Variants in SH3PXD2B observed in about 807,000 individuals in gnomAD.
SH3PXD2B encodes SH3 and PX domains 2B, also known as SH3 and PX domain-containing protein 2B.
A neutral mutation model predicts 73.1 loss-of-function variants in SH3PXD2B; 37 were observed. That is an observed-to-expected ratio of 0.51 (90% CI 0.39 to 0.67). SH3PXD2B has a LOEUF of 0.67. Among genes scored for constraint, SH3PXD2B ranks in the 30% least tolerant of loss-of-function variants. The pLI is 0.00. For synonymous variants in SH3PXD2B, 457 were observed against 480.5 expected, an observed-to-expected ratio of 0.95 and a Z score of 0.64; for missense variants, 1,053 against 1,197.8, an observed-to-expected ratio of 0.88 and a Z score of 1.78.
chr5:172,404,275 T>C (rs1709713812), intron 3 of SH3PXD2B, among the ~76,000 whole-genome samples: 1 of 152,114 alleles, frequency 6.6e-6, no homozygotes, highest in Non-Finnish European at 1.5e-5. Flanking sequence ...CCCCAATCTC[T>C]AGACCTGTTC....
At chr5:172,427,779 A>ATTT (rs112469816) in intron 1 of SH3PXD2B, among the ~76,000 whole-genome samples, 1 of 138,916 alleles carries the variant, frequency 7.2e-6, no homozygotes, top group Admixed American at 7.3e-5. Flanking sequence ...TGTTACCACG[A>ATTT]TTTTTTTTTT....
intron 2 of SH3PXD2B, among the ~76,000 whole-genome samples, chr5:172,412,870 G>C (rs1219784680): frequency 6.6e-6 from 1 of 152,238 alleles, no homozygotes; most frequent in African/African-American, 2.4e-5. Flanking sequence ...GGAAACTGAA[G>C]AGGAAGATGA....
Position 172,392,601 on chromosome 5 carries a change from C to A in SH3PXD2B, c.309+1962G>T, listed in dbSNP as rs118052730. Reference sequence around the variant, plus strand: ...AGCCTGGCCAACATATAGTGTAACCCCGTCTCTACTAAAAATACAAAAAAA... The same window carrying A: ...AGCCTGGCCAACATATAGTGTAACCACGTCTCTACTAAAAATACAAAAAAA... On this transcript the variant is annotated intron_variant, in intron 4 of 12. Coordinates refer to ENST00000311601, the MANE Select transcript of SH3PXD2B (RefSeq NM_001017995.3). Among the ~76,000 whole-genome samples the A allele has an allele frequency of 1.3e-3, 192 of 150,802 alleles. 5 individuals are homozygous for A. The East Asian group carries it at 0.033, about 26-fold the overall frequency.
Position 172,334,090 on chromosome 5 carries a change from T to C in SH3PXD2B, c.*4279A>G. 8.8e-7 allele frequency: 1 copy of C among 1,133,796 alleles called. No individual in the cohort carries two copies. The highest frequency in any genetic ancestry group is 1.1e-6 in the Non-Finnish European group (1 of 919,804). The allele number at this position is 1,133,796 out of a possible 1,614,324, so 70.2% of individuals were successfully genotyped here. A position where few individuals can be genotyped will look rare whatever the true frequency, so the allele number is the denominator to read the frequency against. ...AGGACAGAAGAGGTTGAGCCCCTCA[T>C]CCCTGATTGGAGCTAAGAAGGCTTA... On this transcript the variant is annotated 3_prime_UTR_variant, in exon 13 of 13. Transcript: ENST00000311601.
chr5:172,395,146 A>G (rs539717360), intron 3 of SH3PXD2B, among the ~76,000 whole-genome samples: 1 of 152,052 alleles, frequency 6.6e-6, no homozygotes, highest in African/African-American at 2.4e-5. Context: ...ACACCTCCCC[A>G]TGCATCCCCA....
chr5:172,414,641 G>GA (rs1758779480), intron 2 of SH3PXD2B, among the ~76,000 whole-genome samples: 1 of 152,138 alleles, frequency 6.6e-6, no homozygotes, highest in Non-Finnish European at 1.5e-5. Context: ...GTAAGCCCCT[G>GA]AGCCTAGCAG....
intron 6 of SH3PXD2B, among the ~76,000 whole-genome samples, chr5:172,369,145 T>G (rs557326048): frequency 6.6e-6 from 1 of 151,642 alleles, no homozygotes; most frequent in African/African-American, 2.4e-5. Flanking sequence ...TCTGCCCACC[T>G]TGGCCTCCCA....
chr5:172,346,022 A>G, intron 12 of SH3PXD2B, 114 bp downstream of exon 12: 2 of 1,527,842 alleles, frequency 1.3e-6, no homozygotes, highest in Non-Finnish European at 1.8e-6. Context: ...AAAGCTGTTA[A>G]TCTCCGCCCC....
At chr5:172,343,931 A>AC (rs1056581930) in intron 12 of SH3PXD2B, among the ~76,000 whole-genome samples, 5 of 151,680 alleles carry the variant, frequency 3.3e-5, no homozygotes, top group African/African-American at 1.2e-4. Context: ...AATTTACCTA[A>AC]CCCCCCTGAG....
intron 3 of SH3PXD2B, among the ~76,000 whole-genome samples, chr5:172,404,083 T>G (rs1050040465): frequency 6.6e-6 from 1 of 152,218 alleles, no homozygotes; most frequent in Non-Finnish European, 1.5e-5. Context: ...GGTTGTACAC[T>G]TTGCCAGTGG....
Position 172,346,141 on chromosome 5 carries a change from C to A in SH3PXD2B, c.1183G>T (p.Val395Phe). ...DGISFQAGLKVEVIEKNLSGW... is the reference protein window; with the variant it reads ...DGISFQAGLKFEVIEKNLSGW... ...GGAACACCAGGGCCACTCACCTCGA[C>A]CTTCAGGCCTGCCTGGAAGCTGATG... The change falls in exon 12 of 13, where the codon GTC becomes TTC. Residue 395 changes from valine to phenylalanine, a missense_variant. Transcript: ENST00000311601. 2.5e-6 allele frequency: 4 copies of A among 1,614,098 alleles called. No individual in the cohort carries two copies. Among genetic ancestry groups the A allele is most frequent in the Non-Finnish European group, 1.7e-6 (2 of 1,180,012 alleles).
intron 1 of SH3PXD2B, among the ~76,000 whole-genome samples, chr5:172,431,819 T>C (rs74613956): frequency 0.038 from 5,860 of 152,282 alleles, 210 homozygotes; most frequent in South Asian, 0.2. Flanking sequence ...TGTTTTGTTT[T>C]TGTCAAGTGA....
intron 2 of SH3PXD2B, 48 bp downstream of exon 2, chr5:172,422,368 T>C: frequency 6.6e-7 from 1 of 1,507,990 alleles, no homozygotes; most frequent in Non-Finnish European, 9.1e-7. Flanking sequence ...GTAAGTCCAA[T>C]TAAACTCTTT....
chr5:172,377,766 T>A (rs150400697), intron 5 of SH3PXD2B, among the ~76,000 whole-genome samples: 3 of 152,186 alleles, frequency 2.0e-5, no homozygotes, highest in Admixed American at 6.5e-5. Flanking sequence ...GAGATAAGCA[T>A]GCTAGCTTAT....
chr5:172,351,125 C>G lies in SH3PXD2B; in HGVS notation c.786-536G>C, dbSNP rs139465581. On this transcript the variant is annotated intron_variant, in intron 9 of 12. Transcript: ENST00000311601. The stretch of plus-strand genomic sequence containing the variant: ...TCAATGAGTGTCATCATCTCTTAAT[C>G]CTCTGCAGGAGACATTCAGTTTTTG... 4.5e-3 allele frequency among the ~76,000 whole-genome samples: 691 copies of G among 152,282 alleles called. 11 individuals carry two copies. Among genetic ancestry groups the G allele is most frequent in the African/African-American group, 0.016 (661 of 41,560 alleles).
downstream of SH3PXD2B, among the ~76,000 whole-genome samples, chr5:172,331,267 T>C (rs998507957): frequency 6.6e-6 from 1 of 152,164 alleles, no homozygotes; most frequent in Non-Finnish European, 1.5e-5. Context: ...ATGTAGACTA[T>C]ACCAGGTAAG....
At chr5:172,355,025 T>G (rs914156257) in intron 8 of SH3PXD2B, among the ~76,000 whole-genome samples, 1 of 152,100 alleles carries the variant, frequency 6.6e-6, no homozygotes, top group African/African-American at 2.4e-5. Flanking sequence ...CTCTGGCAGC[T>G]GAAATGGAGA....
intron 5 of SH3PXD2B, 120 bp from the exon 6 acceptor site, chr5:172,373,935 A>G: frequency 1.7e-6 from 2 of 1,146,938 alleles, no homozygotes; most frequent in Non-Finnish European, 2.6e-6. Context: ...CAGTGAATGA[A>G]TAAAATCCAG....
chr5:172,334,314 G>A lies in SH3PXD2B; in HGVS notation c.*4055C>T. ...CGGTTCCAGCTCTGCAGCTCTGCCT[G>A]GGACCCTCGTGGAAACTTACTCTAG... is the stretch of plus-strand genomic sequence containing the variant. On this transcript the variant is annotated 3_prime_UTR_variant, in exon 13 of 13. Transcript: ENST00000311601. The A allele has an allele frequency of 1.0e-6, 1 of 996,670 alleles. No individual in the cohort carries two copies. Among genetic ancestry groups the A allele is most frequent in the Non-Finnish European group, 1.2e-6 (1 of 838,594 alleles). The allele number at this position is 996,670 out of a possible 1,614,324, so 61.7% of individuals were successfully genotyped here. A position where few individuals can be genotyped will look rare whatever the true frequency, so the allele number is the denominator to read the frequency against.
Sources: gnomAD v4.1 joint callset for allele counts (sites outside exome capture counted in the v4.1 genomes callset) on GRCh38, gnomAD v4.1.1 for gene constraint, MANE v1.5 for transcripts, NCBI Gene and HGNC (gene_info 2026-07-23, HGNC 2026-07-21) for gene names.